ATP9A: variants seen among roughly 807,000 people sequenced by gnomAD.
ATP9A encodes ATPase phospholipid transporting 9A, also known as probable phospholipid-transporting ATPase IIA.
Under a neutral mutation model 144.1 loss-of-function variants are expected in ATP9A, and 52 were observed. The observed-to-expected ratio is 0.36, with a 90% CI of 0.29 to 0.45. The LOEUF is 0.45. Ranked by LOEUF, ATP9A falls within the 20% of genes least tolerant of loss-of-function variation. The probability of loss-of-function intolerance (pLI) is 1.00; values close to 1 mark genes in which losing one functional copy is unlikely to be tolerated. For missense variants in ATP9A, 947 were observed against 1,392.7 expected, an observed-to-expected ratio of 0.68 and a Z score of 5.09; for synonymous variants, 582 against 557.4, an observed-to-expected ratio of 1.04 and a Z score of -0.62.
At chr20:51,710,877 G>T (rs2077635436) in intron 4 of ATP9A, among the ~76,000 whole-genome samples, 1 of 152,130 alleles carries the variant, frequency 6.6e-6, no homozygotes, top group Non-Finnish European at 1.5e-5. Context: ...AGAACCAAAG[G>T]AGGGTCGAAG....
At chr20:51,752,308 G>C (rs987314579) in intron 1 of ATP9A, among the ~76,000 whole-genome samples, 4 of 152,132 alleles carry the variant, frequency 2.6e-5, no homozygotes, top group Admixed American at 6.6e-5. Context: ...AAATACCTAA[G>C]ACAGTGATGC....
intron 1 of ATP9A, among the ~76,000 whole-genome samples, chr20:51,765,835 T>C (rs1019324075): frequency 2.0e-5 from 3 of 151,946 alleles, no homozygotes; most frequent in African/African-American, 7.3e-5. Flanking sequence ...TGGGCACCTG[T>C]AATCCCAGCT....
chr20:51,706,135 T>A (rs2077613768), intron 4 of ATP9A, among the ~76,000 whole-genome samples: 1 of 152,248 alleles, frequency 6.6e-6, no homozygotes, highest in Non-Finnish European at 1.5e-5. Context: ...AGATGTGTTT[T>A]AAAATGACTC....
chr20:51,750,813 T>C (rs1401643338), intron 1 of ATP9A, among the ~76,000 whole-genome samples: 1 of 152,036 alleles, frequency 6.6e-6, no homozygotes, highest in African/African-American at 2.4e-5. Context: ...CACCTCTCAA[T>C]TGTCTAGATG....
chr20:51,761,431 C>T (rs1352219248), intron 1 of ATP9A, among the ~76,000 whole-genome samples: 1 of 152,140 alleles, frequency 6.6e-6, no homozygotes, highest in African/African-American at 2.4e-5. Context: ...CAGCACACAT[C>T]GGTGTGTGAC....
At chr20:51,710,061 G>T (rs2077631166) in intron 4 of ATP9A, among the ~76,000 whole-genome samples, 1 of 152,092 alleles carries the variant, frequency 6.6e-6, no homozygotes, top group African/African-American at 2.4e-5. Flanking sequence ...CAGTACTCTG[G>T]GAGGCTGAGG....
At chr20:51,728,965 G>C (rs2077727707) in intron 2 of ATP9A, among the ~76,000 whole-genome samples, 1 of 152,158 alleles carries the variant, frequency 6.6e-6, no homozygotes, top group African/African-American at 2.4e-5. Flanking sequence ...GTGCATGTTG[G>C]GGAGAAGGTT....
At chr20:51,702,365 C>CTTGTGTGT (rs370241750) in intron 4 of ATP9A, among the ~76,000 whole-genome samples, 10 of 130,220 alleles carry the variant, frequency 7.7e-5, no homozygotes, top group Non-Finnish European at 1.3e-4. Flanking sequence ...TGTGTGTGTT[C>CTTGTGTGT]GTGTGTGTGT....
At chr20:51,674,832 A>G (rs963148057) in intron 10 of ATP9A, among the ~76,000 whole-genome samples, 1 of 152,028 alleles carries the variant, frequency 6.6e-6, no homozygotes, top group African/African-American at 2.4e-5. Flanking sequence ...TTTATTATTT[A>G]TTTATTTAGA....
chr20:51,711,692 C>T (rs768633894), intron 4 of ATP9A, among the ~76,000 whole-genome samples: 4 of 152,142 alleles, frequency 2.6e-5, no homozygotes, highest in Non-Finnish European at 5.9e-5. Context: ...TAGTCAGACA[C>T]AGACATCAAC....
intron 15 of ATP9A, among the ~76,000 whole-genome samples, chr20:51,630,092 G>C (rs2077264428): frequency 6.6e-6 from 1 of 152,200 alleles, no homozygotes; most frequent in African/African-American, 2.4e-5. Context: ...GCATCTGACG[G>C]GTGGAGGCCA....
intron 7 of ATP9A, 109 bp downstream of exon 7, chr20:51,693,899 T>C (rs560680223): frequency 2.1e-6 from 2 of 946,424 alleles, no homozygotes; most frequent in South Asian, 3.0e-5. Flanking sequence ...GCTCCCCTAC[T>C]GGCCCCACTT....
chr20:51,756,072 C>T (rs774844657), intron 1 of ATP9A, among the ~76,000 whole-genome samples: 2 of 151,964 alleles, frequency 1.3e-5, no homozygotes, highest in African/African-American at 2.4e-5. Context: ...ACGCTTTCTA[C>T]GTTAGTTTCC....
intron 3 of ATP9A, among the ~76,000 whole-genome samples, chr20:51,725,352 C>A (rs1307257026): frequency 6.6e-6 from 1 of 152,080 alleles, no homozygotes; most frequent in Non-Finnish European, 1.5e-5. Context: ...AAACTCCTGG[C>A]CTCAGGTAAT....
At chr20:51,622,698 C>T (rs910482925) in intron 18 of ATP9A, among the ~76,000 whole-genome samples, 1 of 152,160 alleles carries the variant, frequency 6.6e-6, no homozygotes, top group Admixed American at 6.5e-5. Context: ...CATTTCTCTG[C>T]TGTGGGCTCA....
intron 1 of ATP9A, among the ~76,000 whole-genome samples, chr20:51,753,776 C>A (rs2077843785): frequency 6.6e-6 from 1 of 151,270 alleles, no homozygotes; most frequent in African/African-American, 2.4e-5. Context: ...AAGCAATTCT[C>A]CTGACTCAGC....
chr20:51,734,440 G>C (rs903833064), intron 1 of ATP9A: 1 of 152,020 alleles, frequency 6.6e-6, no homozygotes. Flanking sequence ...AAATAAACAG[G>C]GATAAGCCAT....
intron 10 of ATP9A, among the ~76,000 whole-genome samples, chr20:51,675,168 A>G (rs1217360511): frequency 6.6e-6 from 1 of 152,192 alleles, no homozygotes; most frequent in Non-Finnish European, 1.5e-5. Flanking sequence ...TCTTTTAAAA[A>G]GTAACAAATC....
At chr20:51,623,427 G>A (rs1446850426) in intron 18 of ATP9A, among the ~76,000 whole-genome samples, 5 of 152,144 alleles carry the variant, frequency 3.3e-5, no homozygotes, top group African/African-American at 1.2e-4. Flanking sequence ...GAGAACCTGG[G>A]GAATGGAGAC....
Sources: gnomAD v4.1 joint callset for allele counts (sites outside exome capture counted in the v4.1 genomes callset) on GRCh38, gnomAD v4.1.1 for gene constraint, MANE v1.5 for transcripts, NCBI Gene and HGNC (gene_info 2026-07-23, HGNC 2026-07-21) for gene names.